The following DPPA2 variants were observed in gnomAD, a reference collection of about 807,000 sequenced individuals.
The protein encoded by DPPA2 is developmental pluripotency associated 2.
In DPPA2, 26 loss-of-function variants were observed where a neutral mutation model predicts 36.2. The observed-to-expected ratio is 0.72, with a 90% CI of 0.53 to 1.00. The LOEUF is 1.00. Among genes scored for constraint, DPPA2 ranks in the 50% least tolerant of loss-of-function variants. DPPA2 has a pLI of 0.00. For missense variants in DPPA2, 361 were observed against 365.1 expected (o/e 0.99, Z 0.09); for synonymous variants, 113 against 123.2 (o/e 0.92, Z 0.55).
At chr3:109,302,473 G>A (rs2107307205) in intron 7 of DPPA2, among the ~76,000 whole-genome samples, 1 of 151,778 alleles carries the variant, frequency 6.6e-6, no homozygotes, top group African/African-American at 2.4e-5. Context: ...TTGTTTTTGA[G>A]ACGGAGTTTC....
chr3:109,309,757 T>C (rs114687422), intron 3 of DPPA2, among the ~76,000 whole-genome samples: 137 of 149,834 alleles, frequency 9.1e-4, no homozygotes, highest in African/African-American at 3.2e-3. Flanking sequence ...TATACACATA[T>C]CAATTTTTAT....
intron 7 of DPPA2, among the ~76,000 whole-genome samples, chr3:109,301,761 C>T (rs557374209): frequency 6.6e-6 from 1 of 152,190 alleles, no homozygotes; most frequent in African/African-American, 2.4e-5. Flanking sequence ...AAGAAAAAGA[C>T]AGAGAGAGAC....
chr3:109,294,294 G>A (rs1204159105), intron 8 of DPPA2, among the ~76,000 whole-genome samples: 1 of 152,192 alleles, frequency 6.6e-6, no homozygotes, highest in African/African-American at 2.4e-5. Context: ...GGCAAGACAT[G>A]TTTATACTAG....
intron 8 of DPPA2, among the ~76,000 whole-genome samples, chr3:109,299,178 T>G: frequency 7.2e-6 from 1 of 139,326 alleles, no homozygotes; most frequent in Admixed American, 7.4e-5. Flanking sequence ...GCCAAAATGG[T>G]GAAACCCCGA....
At chr3:109,305,647 G>A (rs753819729) in intron 6 of DPPA2, among the ~76,000 whole-genome samples, 9 of 151,950 alleles carry the variant, frequency 5.9e-5, no homozygotes, top group African/African-American at 1.5e-4. Flanking sequence ...GGTGGCACGC[G>A]CCTGTAATCC....
At chr3:109,312,454 A>G in intron 3 of DPPA2, 91 bp downstream of exon 3, 2 of 1,457,548 alleles carry the variant, frequency 1.4e-6, no homozygotes, top group South Asian at 2.9e-5. Context: ...TGGGTGTTGT[A>G]TAGTCAGAGG....
At chr3:109,297,506 T>A (rs961180339) in intron 8 of DPPA2, among the ~76,000 whole-genome samples, 10 of 151,596 alleles carry the variant, frequency 6.6e-5, no homozygotes, top group South Asian at 2.1e-4. Flanking sequence ...CCTGGGTGAC[T>A]GCACTCTCTG....
chr3:109,306,248 G>A (rs1050525193), intron 6 of DPPA2, among the ~76,000 whole-genome samples: 8 of 152,198 alleles, frequency 5.3e-5, no homozygotes, highest in African/African-American at 1.9e-4. Flanking sequence ...ATAAGTCACT[G>A]TGGGATAATA....
intron 7 of DPPA2, among the ~76,000 whole-genome samples, chr3:109,304,257 G>A (rs1334693568): frequency 6.6e-6 from 1 of 150,748 alleles, no homozygotes; most frequent in African/African-American, 2.4e-5. Flanking sequence ...TGGGCGAGAA[G>A]AGCAAAACTC....
intron 8 of DPPA2, among the ~76,000 whole-genome samples, chr3:109,298,498 A>G (rs945914564): frequency 2.0e-5 from 3 of 150,012 alleles, no homozygotes; most frequent in Non-Finnish European, 1.5e-5. Flanking sequence ...GTGAATCACG[A>G]GGTCAGGAGC....
chr3:109,314,702 C>T (rs1247756374), intron 1 of DPPA2, 147 bp from the exon 2 acceptor site: 1 of 629,912 alleles, frequency 1.6e-6, no homozygotes, highest in Non-Finnish European at 2.6e-6. Context: ...TGCCCTCCCT[C>T]ATTTTCTGGT....
intron 3 of DPPA2, among the ~76,000 whole-genome samples, chr3:109,311,826 G>C (rs1038493295): frequency 6.6e-6 from 1 of 151,946 alleles, no homozygotes; most frequent in Non-Finnish European, 1.5e-5. Context: ...AGATACAAAG[G>C]GTCATGATTT....
At chr3:109,300,162 GC>G (rs1290176494) in intron 8 of DPPA2, among the ~76,000 whole-genome samples, 6 of 152,176 alleles carry the variant, frequency 3.9e-5, no homozygotes, top group African/African-American at 1.4e-4. Flanking sequence ...TCAGGACACA[GC>G]ACAGCAATGA....
chr3:109,312,162 C>T (rs1053402926), intron 3 of DPPA2, among the ~76,000 whole-genome samples: 7 of 152,008 alleles, frequency 4.6e-5, no homozygotes, highest in African/African-American at 1.2e-4. Flanking sequence ...GGTGAAAGCC[C>T]GTCTCTACTA....
intron 3 of DPPA2, 107 bp from the exon 4 acceptor site, chr3:109,309,437 C>T (rs1387061309): frequency 7.7e-6 from 10 of 1,301,328 alleles, no homozygotes; most frequent in East Asian, 2.5e-5. Flanking sequence ...CCTGTAATCC[C>T]AGCACTTTGG....
chr3:109,303,240 T>C (rs1707489908), intron 7 of DPPA2, among the ~76,000 whole-genome samples: 1 of 152,194 alleles, frequency 6.6e-6, no homozygotes, highest in South Asian at 2.1e-4. Context: ...TCATATTTTT[T>C]ATTTCCCTGT....
intron 8 of DPPA2, among the ~76,000 whole-genome samples, chr3:109,297,143 C>T (rs545894067): frequency 6.6e-6 from 1 of 152,094 alleles, no homozygotes; most frequent in African/African-American, 2.4e-5. Context: ...CCTGAAAAGA[C>T]ACCACACCAA....
At chr3:109,300,692 C>G (rs1193703874) in intron 7 of DPPA2, among the ~76,000 whole-genome samples, 2 of 151,326 alleles carry the variant, frequency 1.3e-5, no homozygotes, top group Non-Finnish European at 2.9e-5. Context: ...CATGGTGGCA[C>G]AGGCCTGTAG....
chr3:109,313,976 A>G (rs1233691809), intron 2 of DPPA2, among the ~76,000 whole-genome samples: 6 of 152,090 alleles, frequency 3.9e-5, no homozygotes, highest in African/African-American at 1.2e-4. Context: ...CTAGTTTCTC[A>G]TAGAGCCAGG....
Sources: gnomAD v4.1 joint callset for allele counts (sites outside exome capture counted in the v4.1 genomes callset) on GRCh38, gnomAD v4.1.1 for gene constraint, MANE v1.5 for transcripts, NCBI Gene and HGNC (gene_info 2026-07-23, HGNC 2026-07-21) for gene names.